The following KCNIP4 variants were observed in gnomAD, a reference collection of about 807,000 sequenced individuals.
The protein encoded by KCNIP4 is Kv channel-interacting protein 4.
Under a neutral mutation model 34.0 loss-of-function variants are expected in KCNIP4, and 12 were observed. The ratio of observed to expected loss-of-function variants is 0.35; its 90% CI spans 0.23 to 0.57. KCNIP4 has a LOEUF of 0.57. Ranked by LOEUF, KCNIP4 falls within the 20% of genes least tolerant of loss-of-function variation. The pLI is 0.83. For missense variants in KCNIP4, 238 were observed against 311.7 expected, an observed-to-expected ratio of 0.76 and a Z score of 1.78; for synonymous variants, 124 against 102.2, an observed-to-expected ratio of 1.21 and a Z score of -1.29.
chr4:21,816,793 A>T (rs1364909040), intron 1 of KCNIP4, among the ~76,000 whole-genome samples: 1 of 152,080 alleles, frequency 6.6e-6, no homozygotes, highest in African/African-American at 2.4e-5. Flanking sequence ...CAGGTAGCAA[A>T]ATCATTGTGA....
intron 1 of KCNIP4, among the ~76,000 whole-genome samples, chr4:21,409,456 A>G (rs535437099): frequency 3.3e-4 from 50 of 152,220 alleles, no homozygotes; most frequent in Non-Finnish European, 5.7e-4. Context: ...TAAATTTTGT[A>G]AAATTTCAAT....
chr4:21,860,639 C>T (rs1261174479), intron 1 of KCNIP4, among the ~76,000 whole-genome samples: 2 of 150,118 alleles, frequency 1.3e-5, no homozygotes, highest in Non-Finnish European at 3.0e-5. Flanking sequence ...ATTGGCTTAT[C>T]ATTAGACTCA....
chr4:21,290,436 T>G (rs1763370760), intron 1 of KCNIP4, among the ~76,000 whole-genome samples: 1 of 152,140 alleles, frequency 6.6e-6, no homozygotes, highest in Non-Finnish European at 1.5e-5. Flanking sequence ...TGCCAAAAAG[T>G]GACATGTTCA....
At chr4:21,611,634 TTTTTG>T (rs1744164455) in intron 1 of KCNIP4, among the ~76,000 whole-genome samples, 1 of 145,644 alleles carries the variant, frequency 6.9e-6, no homozygotes, top group African/African-American at 2.5e-5. Flanking sequence ...GTTTAAGGTT[TTTTTG>T]TTTGTTTGTT....
chr4:21,387,045 G>A (rs1026237737), intron 1 of KCNIP4, among the ~76,000 whole-genome samples: 4 of 152,228 alleles, frequency 2.6e-5, no homozygotes, highest in South Asian at 2.1e-4. Context: ...CATTTTGGAG[G>A]CAATGGCCTG....
At chr4:21,569,077 T>A (rs989447931) in intron 1 of KCNIP4, among the ~76,000 whole-genome samples, 3 of 151,812 alleles carry the variant, frequency 2.0e-5, no homozygotes, top group Non-Finnish European at 4.4e-5. Flanking sequence ...ATTTTGAGCC[T>A]CCAAACCTGT....
chr4:20,884,626 A>ACC (rs1725081037), intron 1 of KCNIP4, among the ~76,000 whole-genome samples: 1 of 149,492 alleles, frequency 6.7e-6, no homozygotes, highest in African/African-American at 2.5e-5. Context: ...GCCATTTCAA[A>ACC]CCTCCGTGCC....
At chr4:21,495,970 G>A (rs982433210) in intron 1 of KCNIP4, among the ~76,000 whole-genome samples, 2 of 152,142 alleles carry the variant, frequency 1.3e-5, no homozygotes, top group Non-Finnish European at 2.9e-5. Context: ...GTGGGGCCCT[G>A]CAATCTGCAT....
At chr4:20,866,136 G>A (rs1380752196) in intron 2 of KCNIP4, among the ~76,000 whole-genome samples, 1 of 151,762 alleles carries the variant, frequency 6.6e-6, no homozygotes, top group South Asian at 2.1e-4. Context: ...AGGAGGAGGA[G>A]CCCCTCCCTA....
intron 1 of KCNIP4, among the ~76,000 whole-genome samples, chr4:21,714,786 A>ACCAT (rs778595133): frequency 2.2e-5 from 1 of 46,238 alleles, no homozygotes. Flanking sequence ...TTTCCCTTTG[A>ACCAT]TTATTTTATT....
chr4:21,180,338 A>T (rs1419293150), intron 1 of KCNIP4, among the ~76,000 whole-genome samples: 1 of 152,142 alleles, frequency 6.6e-6, no homozygotes, highest in Admixed American at 6.6e-5. Flanking sequence ...ATGTTGCTTA[A>T]AAATAAGAAA....
chr4:20,852,112 C>G (rs1721098385), intron 2 of KCNIP4, among the ~76,000 whole-genome samples: 1 of 152,104 alleles, frequency 6.6e-6, no homozygotes, highest in African/African-American at 2.4e-5. Context: ...AAGAAGGAAA[C>G]CTCCCTAATT....
chr4:20,906,661 T>G (rs113346923), intron 1 of KCNIP4, among the ~76,000 whole-genome samples: 253 of 152,292 alleles, frequency 1.7e-3, no homozygotes, highest in African/African-American at 5.7e-3. Flanking sequence ...AAGGGCTATT[T>G]TTCACCTCCT....
chr4:21,739,824 A>G (rs1716277462), intron 1 of KCNIP4, among the ~76,000 whole-genome samples: 1 of 152,128 alleles, frequency 6.6e-6, no homozygotes, highest in Admixed American at 6.5e-5. Flanking sequence ...TATAACTACT[A>G]TTATGCAAAA....
chr4:21,283,506 TTG>T (rs2109177049), intron 1 of KCNIP4, among the ~76,000 whole-genome samples: 1 of 152,008 alleles, frequency 6.6e-6, no homozygotes, highest in South Asian at 2.1e-4. Flanking sequence ...ATCTTTTCAT[TTG>T]TCTTTCTTGT....
At chr4:20,743,703 G>A (rs1231888704) in intron 5 of KCNIP4, among the ~76,000 whole-genome samples, 2 of 152,194 alleles carry the variant, frequency 1.3e-5, no homozygotes, top group Middle Eastern at 3.4e-3. Flanking sequence ...TCAGGACATA[G>A]GCATGGGCAA....
intron 1 of KCNIP4, among the ~76,000 whole-genome samples, chr4:21,600,830 T>C (rs1384460173): frequency 6.6e-6 from 1 of 152,088 alleles, no homozygotes; most frequent in Non-Finnish European, 1.5e-5. Context: ...AGCTCCTTGC[T>C]ACATCTATAA....
intron 1 of KCNIP4, among the ~76,000 whole-genome samples, chr4:21,444,315 A>G (rs1727768331): frequency 6.6e-6 from 1 of 152,206 alleles, no homozygotes; most frequent in Non-Finnish European, 1.5e-5. Flanking sequence ...TGGCAGAGAT[A>G]CAACAAAAAA....
At chr4:21,120,539 AT>A (rs1357100946) in intron 1 of KCNIP4, among the ~76,000 whole-genome samples, 3 of 152,196 alleles carry the variant, frequency 2.0e-5, no homozygotes, top group Admixed American at 6.5e-5. Flanking sequence ...ACTTATAATC[AT>A]GGTGGAAGGT....
Sources: allele counts gnomAD v4.1 joint callset (sites outside exome capture counted in the v4.1 genomes callset), GRCh38; gene constraint gnomAD v4.1.1; transcripts MANE v1.5; gene names NCBI Gene and HGNC (gene_info 2026-07-23, HGNC 2026-07-21).